CHODL: variants seen among roughly 807,000 people sequenced by gnomAD.
The protein encoded by CHODL is transmembrane protein MT75.
Under a neutral mutation model 34.5 loss-of-function variants are expected in CHODL, and 29 were observed. That is an observed-to-expected ratio of 0.84 (90% CI 0.63 to 1.15). CHODL has a LOEUF of 1.15. Among genes scored for constraint, CHODL ranks in the 50% most tolerant of loss-of-function variants. The pLI, the probability that CHODL is intolerant of heterozygous loss-of-function variation, is 0.00. For synonymous variants in CHODL, 125 were observed against 116.1 expected (o/e 1.08, Z -0.49); for missense variants, 332 against 332.5 (o/e 1.00, Z 0.01).
intron 2 of CHODL, among the ~76,000 whole-genome samples, chr21:18,076,344 T>C (rs1283789609): frequency 6.6e-6 from 1 of 152,174 alleles, no homozygotes; most frequent in Non-Finnish European, 1.5e-5. Flanking sequence ...CATCTTGTTG[T>C]GAAGTGGCAA....
chr21:18,245,865 C>A, intron 1 of CHODL: 1 of 1,518,586 alleles, frequency 6.6e-7, no homozygotes, highest in Non-Finnish European at 8.8e-7. Context: ...CGTGTAGATG[C>A]CTTTCCTTTG....
chr21:18,063,358 G>A (rs1180762444), intron 2 of CHODL, among the ~76,000 whole-genome samples: 1 of 152,150 alleles, frequency 6.6e-6, no homozygotes, highest in African/African-American at 2.4e-5. Flanking sequence ...GATTCAGTAA[G>A]CATACTGCCA....
intron 1 of CHODL, among the ~76,000 whole-genome samples, chr21:17,941,818 A>T (rs1052299446): frequency 5.3e-5 from 8 of 152,144 alleles, no homozygotes; most frequent in African/African-American, 1.7e-4. Flanking sequence ...GAAATGAAAG[A>T]TCAGGGTGCT....
upstream of CHODL, among the ~76,000 whole-genome samples, chr21:18,241,816 T>C (rs1428715501): frequency 6.6e-6 from 1 of 152,216 alleles, no homozygotes; most frequent in African/African-American, 2.4e-5. Flanking sequence ...AAATAGTGTT[T>C]CTCTATTGAT....
At chr21:18,165,587 TG>T (rs1366708892) in intron 2 of CHODL, among the ~76,000 whole-genome samples, 1 of 152,134 alleles carries the variant, frequency 6.6e-6, no homozygotes, top group Non-Finnish European at 1.5e-5. Context: ...TGGGCTGCTT[TG>T]CAACATGGTA....
At chr21:17,929,750 A>G (rs112643347) in intron 1 of CHODL, among the ~76,000 whole-genome samples, 8,168 of 152,280 alleles carry the variant, frequency 0.054, 582 homozygotes, top group African/African-American at 0.17. Context: ...TTCGGCCCAC[A>G]TGGAATTCCA....
rs1034973070 is a variant in CHODL at position 17,924,566 on chromosome 21, A to G, written c.-145+7166A>G. Among the ~76,000 whole-genome samples, 2 of 152,214 alleles carry G rather than the reference A, an allele frequency of 1.3e-5. 1 individual carries two copies. The highest frequency in any genetic ancestry group is 2.9e-5 in the Non-Finnish European group (2 of 68,038). On this transcript the variant is annotated intron_variant, in intron 1 of 6. Coordinates refer to the CHODL transcript ENST00000400127. ...GAAGCCAGCTTCATCCTATTTGCCC[A>G]TTGCAGGCTTCCAAGTCTGAAGCTG...
At position 18,084,920 on chromosome 21, in the gene CHODL, A is replaced by T. The variant is rs1735262; in HGVS notation, c.-45+56949A>T. Among the ~76,000 whole-genome samples the T allele has an allele frequency of 1.8e-3, 153 of 85,310 alleles. 3 individuals are homozygous for T. The highest frequency in any genetic ancestry group is 2.8e-3 in the Non-Finnish European group (78 of 28,340). 56.0% of individuals were successfully genotyped at this position (85,310 alleles called of 152,430 possible). A position where few individuals can be genotyped will look rare whatever the true frequency, so the allele number is the denominator to read the frequency against. ...TATCTCTTTTGTTAGGTCTAGTAAT[A>T]GTGTGTGTGTGTGTGTGTGTGTGTG... is the stretch of plus-strand genomic sequence containing the variant. On this transcript the variant is annotated intron_variant, in intron 2 of 6. Coordinates refer to the CHODL transcript ENST00000400127.
intron 2 of CHODL, among the ~76,000 whole-genome samples, chr21:18,136,819 T>A (rs2072739967): frequency 6.7e-6 from 1 of 149,020 alleles, no homozygotes; most frequent in South Asian, 2.1e-4. Context: ...CATATATATA[T>A]AAATATATAA....
chr21:18,019,433 ATAAT>A (rs59580818), intron 1 of CHODL, among the ~76,000 whole-genome samples: 31,575 of 150,972 alleles, frequency 0.21, 3,770 homozygotes, highest in African/African-American at 0.33. Context: ...AATATTAAAA[ATAAT>A]TTATTTGTAC....
chr21:18,247,453 AC>A (rs2074155182), intron 1 of CHODL, among the ~76,000 whole-genome samples: 1 of 152,178 alleles, frequency 6.6e-6, no homozygotes, highest in Admixed American at 6.5e-5. Context: ...TATATTTAAT[AC>A]CTTAAAATAT....
At chr21:18,125,997 A>G (rs771962436) in intron 2 of CHODL, among the ~76,000 whole-genome samples, 1 of 152,216 alleles carries the variant, frequency 6.6e-6, no homozygotes. Context: ...TTGATGCAAC[A>G]AACTTCATTG....
chr21:17,934,180 A>G (rs901750752), intron 1 of CHODL, among the ~76,000 whole-genome samples: 4 of 152,134 alleles, frequency 2.6e-5, no homozygotes, highest in Admixed American at 2.6e-4. Flanking sequence ...CCCCACCACT[A>G]TGCAATATAT....
intron 2 of CHODL, among the ~76,000 whole-genome samples, chr21:18,239,122 C>T (rs1053805275): frequency 6.6e-6 from 1 of 152,040 alleles, no homozygotes; most frequent in Non-Finnish European, 1.5e-5. Flanking sequence ...TGTTGTTTTT[C>T]CCTTTCTGTT....
rs1433591207 is a variant in CHODL, at chr21:18,051,603, A to G, written c.-45+23632A>G. Among the ~76,000 whole-genome samples the G allele has an allele frequency of 3.9e-5, 6 of 151,940 alleles. No homozygotes were observed. The East Asian group carries it at 1.2e-3, about 30-fold the overall frequency. Reference sequence around the variant, plus strand: ...GAGTGTAATAAAAGAGCAGTTTAGAACTTAAATGAAAGTGCCAAACAAAAT... The same window carrying G: ...GAGTGTAATAAAAGAGCAGTTTAGAGCTTAAATGAAAGTGCCAAACAAAAT... On this transcript the variant is annotated intron_variant, in intron 2 of 6. Transcript: ENST00000400127.
intron 2 of CHODL, among the ~76,000 whole-genome samples, chr21:18,082,792 C>T (rs1160020716): frequency 9.9e-5 from 15 of 152,052 alleles, no homozygotes; most frequent in Non-Finnish European, 4.4e-5. Context: ...CAAGATGTGG[C>T]CTGGCTGCTC....
intron 2 of CHODL, among the ~76,000 whole-genome samples, chr21:18,206,058 GTCTA>G: frequency 6.6e-6 from 1 of 152,164 alleles, no homozygotes. Flanking sequence ...CTAACATGTA[GTCTA>G]TCCTTGATAA....
intron 1 of CHODL, among the ~76,000 whole-genome samples, chr21:17,982,356 C>G (rs1250961523): frequency 6.6e-6 from 1 of 152,032 alleles, no homozygotes; most frequent in African/African-American, 2.4e-5. Context: ...TTATAAATAT[C>G]TAAAGGGGTT....
intron 2 of CHODL, among the ~76,000 whole-genome samples, chr21:18,131,626 G>T (rs1280120688): frequency 1.3e-5 from 2 of 151,886 alleles, no homozygotes; most frequent in Admixed American, 1.3e-4. Context: ...ACTTATTTTG[G>T]ACACTGGTTT....
Sources: gnomAD v4.1 joint callset for allele counts (sites outside exome capture counted in the v4.1 genomes callset) on GRCh38, gnomAD v4.1.1 for gene constraint, MANE v1.5 for transcripts, NCBI Gene and HGNC (gene_info 2026-07-23, HGNC 2026-07-21) for gene names.